Variants in MTARC1 observed in about 807,000 individuals in gnomAD.
The protein encoded by MTARC1 is mitochondrial amidoxime-reducing component 1.
MTARC1 carries 24 observed loss-of-function variants against 33.6 expected under a neutral mutation model. The ratio of observed to expected loss-of-function variants is 0.72; its 90% CI spans 0.52 to 1.01. The LOEUF is 1.01. Ranked by LOEUF, MTARC1 falls within the 50% of genes least tolerant of loss-of-function variation. The pLI, the probability that MTARC1 is intolerant of heterozygous loss-of-function variation, is 0.00. For synonymous variants in MTARC1, 187 were observed against 189.5 expected (o/e 0.99, Z 0.11); for missense variants, 417 against 445.7 (o/e 0.94, Z 0.58).
chr1:220,798,465 C>G, intron 4 of MTARC1: 1 of 985,436 alleles, frequency 1.0e-6, no homozygotes, highest in Non-Finnish European at 1.2e-6. Context: ...CCCTAAGCTT[C>G]ATGGCACTAC....
chr1:220,808,091 C>A (rs1183835494), intron 6 of MTARC1, among the ~76,000 whole-genome samples: 4 of 152,138 alleles, frequency 2.6e-5, no homozygotes, highest in Non-Finnish European at 5.9e-5. Flanking sequence ...TCTTTCTCTT[C>A]CCCCTGTGTG....
intron 6 of MTARC1, among the ~76,000 whole-genome samples, chr1:220,808,290 CG>C (rs1419440011): frequency 1.3e-5 from 2 of 152,232 alleles, no homozygotes; most frequent in African/African-American, 2.4e-5. Context: ...GGTGGGAAGG[CG>C]GGGGGCGCAA....
chr1:220,794,003 T>A (rs1244728657), intron 2 of MTARC1: 2 of 152,276 alleles, frequency 1.3e-5, no homozygotes, highest in East Asian at 1.9e-4. Context: ...GAAATAGATG[T>A]TGCAATGGAA....
Position 220,804,960 on chromosome 1 carries a change from T to C in MTARC1, c.754-92T>C. 3.7e-6 allele frequency: 5 copies of C among 1,353,658 alleles called. No individual in the cohort carries two copies. The South Asian group carries it at 4.7e-5, about 13-fold the overall frequency. 83.9% of individuals were successfully genotyped at this position (1,353,658 alleles called of 1,614,324 possible). ...GCTGCCATCACTGATGTGGGTGACATCGTTAGGTGCGAGGGCTCCTGGGAA... is the reference window on the plus strand; with the variant it reads ...GCTGCCATCACTGATGTGGGTGACACCGTTAGGTGCGAGGGCTCCTGGGAA... On this transcript the variant is annotated intron_variant, in intron 4 of 6. Transcript: ENST00000366910.
chr1:220,804,080 C>T (rs759123821), intron 4 of MTARC1, among the ~76,000 whole-genome samples: 6 of 152,184 alleles, frequency 3.9e-5, no homozygotes, highest in Non-Finnish European at 7.3e-5. Context: ...CAATTCTCTC[C>T]GAGGGTAAGA....
intron 6 of MTARC1, among the ~76,000 whole-genome samples, chr1:220,812,486 A>C (rs7524572): frequency 0.05 from 7,554 of 152,296 alleles, 621 homozygotes; most frequent in African/African-American, 0.17. Flanking sequence ...GCTGGAAGCA[A>C]GATCGTGACA....
At chr1:220,807,198 C>G (rs1271957683) in intron 6 of MTARC1, among the ~76,000 whole-genome samples, 1 of 151,710 alleles carries the variant, frequency 6.6e-6, no homozygotes, top group African/African-American at 2.4e-5. Context: ...CTGAACTGTT[C>G]AGAGTTGAAA....
At chr1:220,789,725 T>A (rs1672364588) in intron 1 of MTARC1, among the ~76,000 whole-genome samples, 1 of 152,240 alleles carries the variant, frequency 6.6e-6, no homozygotes, top group Non-Finnish European at 1.5e-5. Context: ...GGAATATTAT[T>A]CAGCCATGAA....
chr1:220,798,275 G>C (rs1672684987), intron 4 of MTARC1: 1 of 1,372,778 alleles, frequency 7.3e-7, no homozygotes, highest in Admixed American at 2.5e-5. Context: ...TGAGTTGACA[G>C]GTTCGTTGTT....
intron 4 of MTARC1, among the ~76,000 whole-genome samples, chr1:220,803,344 A>G (rs1672873610): frequency 6.6e-6 from 1 of 152,168 alleles, no homozygotes; most frequent in African/African-American, 2.4e-5. Context: ...CCCATGACAC[A>G]TGGGGATTAT....
chr1:220,791,718 G>T, intron 2 of MTARC1, 54 bp downstream of exon 2: 1 of 1,585,118 alleles, frequency 6.3e-7, no homozygotes, highest in South Asian at 1.1e-5. Flanking sequence ...ATGCAATTTT[G>T]AGAAAGCATA....
chr1:220,793,675 A>G (rs999031930), intron 2 of MTARC1: 5 of 152,218 alleles, frequency 3.3e-5, no homozygotes, highest in African/African-American at 1.2e-4. Flanking sequence ...CTTGCCTGCT[A>G]TTAATAAGAT....
chr1:220,787,798 T>C (rs1672282773), intron 1 of MTARC1, among the ~76,000 whole-genome samples: 1 of 152,100 alleles, frequency 6.6e-6, no homozygotes, highest in African/African-American at 2.4e-5. Flanking sequence ...GAGACCAGCC[T>C]GACCAACATG....
intron 6 of MTARC1, among the ~76,000 whole-genome samples, chr1:220,809,344 C>G (rs1673059101): frequency 6.6e-6 from 1 of 152,158 alleles, no homozygotes; most frequent in South Asian, 2.1e-4. Flanking sequence ...TTGACACCTT[C>G]TGAGAGGAGG....
chr1:220,809,410 C>T (rs1284064251), intron 6 of MTARC1, among the ~76,000 whole-genome samples: 1 of 152,224 alleles, frequency 6.6e-6, no homozygotes, highest in Non-Finnish European at 1.5e-5. Context: ...TGAAACCTAA[C>T]ACGAACTTGC....
In MTARC1 at chr1:220,802,577, C is replaced by A. The variant is rs866205645; in HGVS notation, c.754-2475C>A. Among the ~76,000 whole-genome samples the A allele has an allele frequency of 3.3e-5, 5 of 152,344 alleles. No homozygotes were observed. In the Middle Eastern group the frequency reaches 0.01, roughly 311 times the overall value. Reference sequence around the variant, plus strand: ...GAACTCCTAACCTCAGGTGATCCACCCGCCTTGGCCTCCCAAAGTGCTGGG... The same window carrying A: ...GAACTCCTAACCTCAGGTGATCCACACGCCTTGGCCTCCCAAAGTGCTGGG... On this transcript the variant is annotated intron_variant, in intron 4 of 6. Coordinates refer to ENST00000366910, the MANE Select transcript of MTARC1 (RefSeq NM_022746.4).
At chr1:220,795,427 C>G (rs778531557) in intron 2 of MTARC1, among the ~76,000 whole-genome samples, 3 of 152,164 alleles carry the variant, frequency 2.0e-5, no homozygotes, top group Non-Finnish European at 2.9e-5. Context: ...CATAACACCA[C>G]GATGATAGTA....
At position 220,796,750 on chromosome 1, in the gene MTARC1, A is replaced by G; in HGVS notation, c.557A>G (p.His186Arg). The G allele has an allele frequency of 1.2e-6, 2 of 1,612,974 alleles. No homozygotes were observed. The highest frequency in any genetic ancestry group is 1.7e-4 in the Middle Eastern group (1 of 6,056). Residue 186 changes from histidine (H) to arginine (R), a missense_variant, in exon 3 of 7, where the codon CAC becomes CGC. His to Arg is a conservative substitution (Grantham distance 29). Coordinates refer to ENST00000366910, the MANE Select transcript of MTARC1 (RefSeq NM_022746.4). ...TACCGCCTGGTGCACTTCGAGCCTCACATGCGACCGAGACGTCCTCATCAA... is the reference window on the plus strand; with the variant it reads ...TACCGCCTGGTGCACTTCGAGCCTCGCATGCGACCGAGACGTCCTCATCAA... ...QPYRLVHFEP[H>R]MRPRRPHQIA...
At chr1:220,798,566 T>A (rs1672693019) in intron 4 of MTARC1, 6 of 985,412 alleles carry the variant, frequency 6.1e-6, no homozygotes, top group Non-Finnish European at 7.2e-6. Context: ...GTTTCTGGGA[T>A]TCCACAGGAT....
Sources: allele counts gnomAD v4.1 joint callset (sites outside exome capture counted in the v4.1 genomes callset), GRCh38; gene constraint gnomAD v4.1.1; transcripts MANE v1.5; gene names NCBI Gene and HGNC (gene_info 2026-07-23, HGNC 2026-07-21).